Variants in TFIP11 observed in about 807,000 individuals in gnomAD.
The protein encoded by TFIP11 is tuftelin-interacting protein 11.
In TFIP11, 86 loss-of-function variants were observed where a neutral mutation model predicts 96.8. That is an observed-to-expected ratio of 0.89 (90% CI 0.75 to 1.06). TFIP11 has a LOEUF of 1.06. Ranked by LOEUF, TFIP11 falls within the 50% of genes least tolerant of loss-of-function variation. The pLI is 0.00. For missense variants in TFIP11, 881 were observed against 1,076.7 expected, an observed-to-expected ratio of 0.82 and a Z score of 2.54; for synonymous variants, 405 against 395.2, an observed-to-expected ratio of 1.02 and a Z score of -0.29.
At chr22:26,506,484 T>TAGTTA (rs745998148) in intron 5 of TFIP11, 25 bp from the exon 6 acceptor site, 3 of 1,582,432 alleles carry the variant, frequency 1.9e-6, no homozygotes, top group Non-Finnish European at 2.6e-6. Context: ...AATCAAAGCT[T>TAGTTA]AGTTAATGGA....
intron 8 of TFIP11, 25 bp from the exon 9 acceptor site, chr22:26,499,656 G>C: frequency 6.3e-7 from 1 of 1,583,252 alleles, no homozygotes. Context: ...AGGGATGAAG[G>C]TTAACACCGC....
Position 26,506,903 on chromosome 22 carries a change from T to C in TFIP11, c.235A>G (p.Asn79Asp), listed in dbSNP as rs1923488637. Residue 79 changes from asparagine to aspartate, a missense_variant, in exon 5 of 15, where the codon AAC (asparagine) becomes GAC (aspartate). Coordinates refer to ENST00000407690, the MANE Select transcript of TFIP11 (RefSeq NM_012143.4). ...KRARDYSAPVNFISAGLKKGA... is the reference protein window; with the variant it reads ...KRARDYSAPVDFISAGLKKGA... ...TTCTTGAGCCCTGCGCTGATGAAGT[T>C]GACTGGCGCAGAGTAGTCACGGGCC... The C allele has an allele frequency of 6.2e-7, 1 of 1,614,066 alleles. No homozygotes were observed. The highest frequency in any genetic ancestry group is 1.7e-5 in the Admixed American group (1 of 60,002).
rs374591064 is a variant in TFIP11, at chr22:26,491,663, T to C, written c.*350A>G. 7 of 1,610,142 alleles carry C rather than the reference T, an allele frequency of 4.3e-6. No individual in the cohort carries two copies. In the African/African-American group the frequency reaches 9.3e-5, roughly 21 times the overall value. The stretch of plus-strand genomic sequence containing the variant: ...GGAACAAGAGAGAAGATCCTTCTGC[T>C]ACTGACTGAACTCGTTGTGAGGTAC... On this transcript the variant is annotated 3_prime_UTR_variant, in exon 15 of 15. Transcript: ENST00000407690.
chr22:26,507,206 T>C (rs1381246960), intron 4 of TFIP11, among the ~76,000 whole-genome samples: 1 of 152,204 alleles, frequency 6.6e-6, no homozygotes, highest in African/African-American at 2.4e-5. Context: ...TATGATGTGA[T>C]AATACAATTT....
intron 4 of TFIP11, 70 bp from the exon 5 acceptor site, chr22:26,506,998 G>C (rs1923502254): frequency 6.4e-7 from 1 of 1,553,514 alleles, no homozygotes. Context: ...TCCTTTTGCA[G>C]AAACTACGTG....
chr22:26,502,241 G>A (rs544147589), intron 7 of TFIP11, 189 bp from the exon 8 acceptor site: 23 of 637,962 alleles, frequency 3.6e-5, no homozygotes, highest in African/African-American at 3.1e-4. Flanking sequence ...GACCCCATTC[G>A]CCCTCTTACA....
intron 10 of TFIP11, among the ~76,000 whole-genome samples, chr22:26,497,605 C>T (rs936672179): frequency 5.1e-4 from 77 of 152,202 alleles, no homozygotes; most frequent in Non-Finnish European, 1.8e-4. Context: ...TGGCTGGGCA[C>T]GGAGGCTCAC....
chr22:26,506,828 G>A lies in TFIP11; in HGVS notation c.310C>T (p.Pro104Ser), dbSNP rs144183934. The A allele has an allele frequency of 1.2e-5, 19 of 1,614,042 alleles. No homozygotes were observed. The African/African-American group carries it at 2.5e-4, about 22-fold the overall frequency. ...TTAGGAAAGTCGTCCTGCTTAACAGGTTTCTCTTCGTCATCAGAATCTTCC... is the reference window on the plus strand; with the variant it reads ...TTAGGAAAGTCGTCCTGCTTAACAGATTTCTCTTCGTCATCAGAATCTTCC... ...ELEDSDDEEK[P>S]VKQDDFPKDF... is the part of the protein sequence containing the mutation. The change falls in exon 5 of 15, where the codon CCT (proline) becomes TCT (serine). Residue 104 changes from proline (P) to serine (S), a missense_variant. Pro to Ser is a moderately conservative substitution (Grantham distance 74). Transcript: ENST00000407690.
chr22:26,492,073 G>A lies in TFIP11; in HGVS notation c.2454C>T (p.Val818=). 1 of 1,612,658 alleles carries A rather than the reference G, an allele frequency of 6.2e-7. No individual in the cohort carries two copies. The highest frequency in any genetic ancestry group is 8.5e-7 in the Non-Finnish European group (1 of 1,179,424). ...VIYIDRGVVF[V]QGEKTWVPTS... is the part of the protein sequence containing the mutation. ...TGGGCACCCACGTCTTCTCGCCCTG[G>A]ACAAAGACCACTCCCCGGTCGATGT... The change falls in exon 15 of 15, where the codon GTC becomes GTT. Residue 818 remains valine (V), a synonymous_variant. Transcript: ENST00000407690.
rs776851933 is a variant in TFIP11, at chr22:26,492,284, A to G, written c.2243T>C (p.Met748Thr). ...GTTCTCAGCCTCCCGCCTCTCCTGC[A>G]TGGCCTCGTACTGGAAGTCCTTCCT... ...ERRKDFQYEA[M>T]QERREAENMA... Residue 748 changes from methionine to threonine, a missense_variant, in exon 15 of 15, where the codon ATG becomes ACG. Transcript: ENST00000407690. 2 of 1,614,208 alleles carry G rather than the reference A, an allele frequency of 1.2e-6. No homozygotes were observed. Among genetic ancestry groups the G allele is most frequent in the Non-Finnish European group, 1.7e-6 (2 of 1,180,038 alleles).
chr22:26,491,375 G>A lies in TFIP11; in HGVS notation c.*638C>T. The stretch of plus-strand genomic sequence containing the variant: ...GTTATTTTTTTAAAAAGTAAAGTGG[G>A]GATGACAAGTAAAGTGGAAATTTAT... On this transcript the variant is annotated 3_prime_UTR_variant, in exon 15 of 15. Transcript: ENST00000407690. The A allele has an allele frequency of 9.5e-7, 1 of 1,055,880 alleles. No homozygotes were observed. The highest frequency in any genetic ancestry group is 1.5e-5 in the South Asian group (1 of 66,962). The allele number at this position is 1,055,880 out of a possible 1,614,324, so 65.4% of individuals were successfully genotyped here. A position where few individuals can be genotyped will look rare whatever the true frequency, so the allele number is the denominator to read the frequency against.
chr22:26,499,220 C>T lies in TFIP11; in HGVS notation c.1213G>A (p.Glu405Lys), dbSNP rs757209177. The T allele has an allele frequency of 8.1e-6, 13 of 1,613,812 alleles. No individual in the cohort carries two copies. Among genetic ancestry groups the T allele is most frequent in the Non-Finnish European group, 1.0e-5 (12 of 1,179,964 alleles). Residue 405 changes from glutamate to lysine, a missense_variant, in exon 9 of 15, where the codon GAA becomes AAA. Coordinates refer to ENST00000407690, the MANE Select transcript of TFIP11 (RefSeq NM_012143.4). ...LTLDECARIF[E>K]TLQDKYYEEY... ...TCATAGTACTTGTCCTGCAGGGTTT[C>T]GAAGATGCGGGCACACTCGTCCAGG...
rs200802925 is a variant in TFIP11 at position 26,496,065 on chromosome 22, A to G, written c.1849+8T>C. 6.2e-7 allele frequency: 1 copy of G among 1,612,906 alleles called. No individual in the cohort carries two copies. The highest frequency in any genetic ancestry group is 2.2e-5 in the East Asian group (1 of 44,864). On this transcript the variant is annotated splice_region_variant and intron_variant, in intron 12 of 14. Coordinates refer to ENST00000407690, the MANE Select transcript of TFIP11 (RefSeq NM_012143.4). The stretch of plus-strand genomic sequence containing the variant: ...CTGGGCTTGGAATGCATTTCCCCTT[A>G]TCCTTACCCAGCTTGGGCACTATGT...
rs763110174 is a variant in TFIP11 at position 26,498,911 on chromosome 22, A to G, written c.1394T>C (p.Leu465Ser). 1 of 1,613,814 alleles carries G rather than the reference A, an allele frequency of 6.2e-7. No individual in the cohort carries two copies. The highest frequency in any genetic ancestry group is 8.5e-7 in the Non-Finnish European group (1 of 1,179,994). ...WKSLLENDQL[L>S]SHGGQDLSAD... Reference sequence around the variant, plus strand: ...TGAGAGGTCCTGTCCGCCATGGGACAAGAGCTGGTCATTCTCTAGGAGGCT... The same window carrying G: ...TGAGAGGTCCTGTCCGCCATGGGACGAGAGCTGGTCATTCTCTAGGAGGCT... Residue 465 changes from leucine (L) to serine (S), a missense_variant, in exon 10 of 15, where the codon TTG becomes TCG. By Grantham distance (145) the Leu-to-Ser change is moderately radical. Coordinates refer to ENST00000407690, the MANE Select transcript of TFIP11 (RefSeq NM_012143.4).
chr22:26,502,314 G>A lies in TFIP11; in HGVS notation c.649-262C>T, dbSNP rs1259165864. Among the ~76,000 whole-genome samples, 7 of 152,124 alleles carry A rather than the reference G, an allele frequency of 4.6e-5. No individual in the cohort carries two copies. In the South Asian group the frequency reaches 1.0e-3, roughly 23 times the overall value. On this transcript the variant is annotated intron_variant, in intron 7 of 14. Coordinates refer to ENST00000407690, the MANE Select transcript of TFIP11 (RefSeq NM_012143.4). ...GGGAGAAACAAAAATAAAGATAAAC[G>A]AAACAACATTTATTGAGCATCTACT...
chr22:26,506,121 A>C, intron 6 of TFIP11, 182 bp downstream of exon 6: 1 of 546,672 alleles, frequency 1.8e-6, no homozygotes, highest in Non-Finnish European at 3.0e-6. Context: ...TGAAACAATT[A>C]CTTATTTAAC....
At chr22:26,506,988 T>C (rs1923501906) in intron 4 of TFIP11, 60 bp from the exon 5 acceptor site, 7 of 1,573,100 alleles carry the variant, frequency 4.4e-6, no homozygotes, top group Non-Finnish European at 6.1e-6. Context: ...TCTGCAGCGA[T>C]CCTTTTGCAG....
chr22:26,500,663 A>G (rs1922666865), intron 8 of TFIP11, among the ~76,000 whole-genome samples: 1 of 113,148 alleles, frequency 8.8e-6, no homozygotes. Flanking sequence ...CACTGGAGGA[A>G]AAAAAAAAAA....
intron 14 of TFIP11, 88 bp downstream of exon 14, chr22:26,494,051 G>T: frequency 6.7e-7 from 1 of 1,496,068 alleles, no homozygotes; most frequent in Non-Finnish European, 9.1e-7. Flanking sequence ...CTGCCTACAG[G>T]AACCAGAAAA....
Sources: allele counts gnomAD v4.1 joint callset (sites outside exome capture counted in the v4.1 genomes callset), GRCh38; gene constraint gnomAD v4.1.1; transcripts MANE v1.5; gene names NCBI Gene and HGNC (gene_info 2026-07-23, HGNC 2026-07-21).